VIPR2: variants seen among roughly 807,000 people sequenced by gnomAD.
The protein encoded by VIPR2 is vasoactive intestinal polypeptide receptor 2.
Under a neutral mutation model 58.0 loss-of-function variants are expected in VIPR2, and 48 were observed. The ratio of observed to expected loss-of-function variants is 0.83; its 90% CI spans 0.66 to 1.05. The LOEUF is 1.05. VIPR2 is among the 50% of genes least tolerant of loss of function. VIPR2 has a pLI of 0.00. For synonymous variants in VIPR2, 243 were observed against 235.2 expected (o/e 1.03, Z -0.30); for missense variants, 534 against 558.0 (o/e 0.96, Z 0.43).
At position 159,127,173 on chromosome 7, in the gene VIPR2, C is replaced by T. The variant is rs1179680142; in HGVS notation, c.151+15273G>A. Among the ~76,000 whole-genome samples, 2 of 152,232 alleles carry T rather than the reference C, an allele frequency of 1.3e-5. No individual in the cohort carries two copies. The highest frequency in any genetic ancestry group is 4.8e-5 in the African/African-American group (2 of 41,456). On this transcript the variant is annotated intron_variant, in intron 2 of 12. Coordinates refer to ENST00000262178, the MANE Select transcript of VIPR2 (RefSeq NM_003382.5). This position sits in a 1 kb window ranked among gnomAD's most constrained non-coding sequence, Gnocchi z 4.6. ...GCTGACATTCTGTCTAATTAGTGCG[C>T]TGCATGCATCCCACCCTCAACAGCC...
intron 2 of VIPR2, among the ~76,000 whole-genome samples, chr7:159,129,162 C>T (rs1796779703): frequency 6.9e-6 from 1 of 145,860 alleles, no homozygotes; most frequent in Non-Finnish European, 1.5e-5. Flanking sequence ...GCTGGGGGGA[C>T]AGGGCCAGGT....
rs144535992 is a variant in VIPR2, at chr7:159,108,514, C to T, written c.259+1298G>A. On this transcript the variant is annotated intron_variant, in intron 3 of 12. Transcript: ENST00000262178. ...ACAATAACAAGGTGGTGTCATGCTC[C>T]CTGCTTGGGAAAAAGGTGGAATAAG... Among the ~76,000 whole-genome samples, 34 of 152,310 alleles carry T rather than the reference C, an allele frequency of 2.2e-4. No individual in the cohort carries two copies. The East Asian group carries it at 6.0e-3, about 27-fold the overall frequency.
chr7:159,085,192 T>C (rs1857107881), intron 4 of VIPR2, among the ~76,000 whole-genome samples: 1 of 152,238 alleles, frequency 6.6e-6, no homozygotes, highest in African/African-American at 2.4e-5. Flanking sequence ...TGCAGCATTT[T>C]GCAATTTACA....
intron 4 of VIPR2, among the ~76,000 whole-genome samples, chr7:159,063,111 C>T (rs938373531): frequency 3.3e-5 from 5 of 152,342 alleles, no homozygotes; most frequent in African/African-American, 9.6e-5. Flanking sequence ...GGGCCGCAGG[C>T]GGAGCTGCCC....
chr7:159,129,267 GGGGGGA>G (rs1796785576), intron 2 of VIPR2, among the ~76,000 whole-genome samples: 3 of 112,262 alleles, frequency 2.7e-5, no homozygotes, highest in Admixed American at 8.5e-5. Context: ...CTGGCCTCTG[GGGGGGA>G]CAGGGCTGGG....
chr7:159,044,316 C>T (rs73522265), intron 5 of VIPR2, among the ~76,000 whole-genome samples: 1,836 of 152,148 alleles, frequency 0.012, 38 homozygotes, highest in African/African-American at 0.041. Flanking sequence ...CCTAAATAAA[C>T]AGCTACAACC....
chr7:159,058,668 G>T, intron 4 of VIPR2, 90 bp from the exon 5 acceptor site: 3 of 983,288 alleles, frequency 3.1e-6, no homozygotes, highest in Non-Finnish European at 4.7e-6. Context: ...CTGTGCTCTG[G>T]CCATGAAGGA....
intron 2 of VIPR2, among the ~76,000 whole-genome samples, chr7:159,118,266 T>A (rs916315536): frequency 2.4e-4 from 37 of 152,120 alleles, no homozygotes; most frequent in Non-Finnish European, 5.0e-4. Context: ...CCCCAAACGG[T>A]AACAGGATTC....
At chr7:159,125,309 C>T (rs1172729229) in intron 2 of VIPR2, among the ~76,000 whole-genome samples, 2 of 152,322 alleles carry the variant, frequency 1.3e-5, no homozygotes, top group East Asian at 3.9e-4. Flanking sequence ...CCTTGCAAAT[C>T]CAGTTGGCGT....
At chr7:159,053,591 G>C (rs955397742) in intron 5 of VIPR2, among the ~76,000 whole-genome samples, 1 of 152,148 alleles carries the variant, frequency 6.6e-6, no homozygotes, top group Non-Finnish European at 1.5e-5. Flanking sequence ...GCCCAGGCTG[G>C]AGTGCAGTGG....
At position 159,132,568 on chromosome 7, in the gene VIPR2, T is replaced by C. The variant is rs537057079; in HGVS notation, c.151+9878A>G. Among the ~76,000 whole-genome samples, 7 of 152,346 alleles carry C rather than the reference T, an allele frequency of 4.6e-5. No individual in the cohort carries two copies. In the South Asian group the frequency reaches 1.0e-3, roughly 23 times the overall value. The stretch of plus-strand genomic sequence containing the variant: ...CCATCTGGAACTCCAGCTAATTATA[T>C]GTTCAGAAACTACAGACCCAGAGCC... On this transcript the variant is annotated intron_variant, in intron 2 of 12. Coordinates refer to ENST00000262178, the MANE Select transcript of VIPR2 (RefSeq NM_003382.5).
chr7:159,134,709 G>A (rs1797124019), intron 2 of VIPR2, among the ~76,000 whole-genome samples: 3 of 151,718 alleles, frequency 2.0e-5, no homozygotes, highest in African/African-American at 7.3e-5. Context: ...CCAGGCTGGA[G>A]TACAGTGGGG....
chr7:159,033,829 G>A (rs757582409), intron 10 of VIPR2, among the ~76,000 whole-genome samples: 3 of 152,134 alleles, frequency 2.0e-5, no homozygotes, highest in Non-Finnish European at 4.4e-5. Flanking sequence ...GTAAGTGGGC[G>A]GATGCTTAAA....
chr7:159,077,744 C>T lies in VIPR2; in HGVS notation c.358-19166G>A, dbSNP rs1856711290. Among the ~76,000 whole-genome samples the T allele has an allele frequency of 2.0e-5, 3 of 148,302 alleles. No homozygotes were observed. In the South Asian group the frequency reaches 6.5e-4, roughly 32 times the overall value. On this transcript the variant is annotated intron_variant, in intron 4 of 12. Transcript: ENST00000262178. The stretch of plus-strand genomic sequence containing the variant: ...AGCCCTGTTCAATGTCTTTGAGGTA[C>T]TACAGTGTGCCTGTTATCAGATTCT...
At chr7:159,086,589 T>C (rs1857186347) in intron 4 of VIPR2, among the ~76,000 whole-genome samples, 2 of 152,194 alleles carry the variant, frequency 1.3e-5, no homozygotes, top group African/African-American at 2.4e-5. Context: ...CCGGGGGATG[T>C]CAAATGTGAA....
intron 2 of VIPR2, among the ~76,000 whole-genome samples, chr7:159,132,824 T>G (rs796321945): frequency 7.9e-6 from 1 of 125,830 alleles, no homozygotes; most frequent in African/African-American, 3.0e-5. Context: ...GGCATACCGA[T>G]TGATTTGAGA....
intron 5 of VIPR2, among the ~76,000 whole-genome samples, chr7:159,053,084 G>A (rs1261128917): frequency 1.3e-5 from 2 of 152,062 alleles, no homozygotes; most frequent in Non-Finnish European, 2.9e-5. Context: ...AATGGATTTA[G>A]TGAGGTTGCT....
chr7:159,107,581 G>A (rs933731937), intron 3 of VIPR2, among the ~76,000 whole-genome samples: 5 of 152,208 alleles, frequency 3.3e-5, no homozygotes, highest in East Asian at 3.9e-4. Context: ...CTTGCATCCC[G>A]GGTCCCACTG....
intron 4 of VIPR2, among the ~76,000 whole-genome samples, chr7:159,062,088 C>T (rs1585390480): frequency 1.3e-5 from 2 of 152,142 alleles, no homozygotes; most frequent in Admixed American, 6.5e-5. Context: ...GGCCATGGGG[C>T]GCCGGCGGGT....
Sources: gnomAD v4.1 joint callset for allele counts (sites outside exome capture counted in the v4.1 genomes callset) on GRCh38, gnomAD v4.1.1 for gene constraint, Gnocchi (gnomAD v3.1) non-coding constraint, MANE v1.5 for transcripts, NCBI Gene and HGNC (gene_info 2026-07-23, HGNC 2026-07-21) for gene names.